CACNA1E: variants seen among roughly 807,000 people sequenced by gnomAD.
CACNA1E encodes the protein calcium voltage-gated channel subunit alpha1 E, also known as voltage-dependent R-type calcium channel subunit alpha-1E.
Under a neutral mutation model 259.2 loss-of-function variants are expected in CACNA1E, and 40 were observed. The observed-to-expected ratio is 0.15, with a 90% CI of 0.12 to 0.20. CACNA1E has a LOEUF of 0.20. Among genes scored for constraint, CACNA1E ranks in the 10% least tolerant of loss-of-function variants. CACNA1E has a pLI of 1.00. For synonymous variants in CACNA1E, 1,104 were observed against 1,138.5 expected, an observed-to-expected ratio of 0.97 and a Z score of 0.61; for missense variants, 1,874 against 3,040.1, an observed-to-expected ratio of 0.62 and a Z score of 9.02.
intron 37 of CACNA1E, among the ~76,000 whole-genome samples, chr1:181,774,514 T>C (rs1659797862): frequency 6.6e-6 from 1 of 152,232 alleles, no homozygotes; most frequent in Non-Finnish European, 1.5e-5. Context: ...AGTCTGTTTA[T>C]GGTGGCTCCA....
chr1:181,717,784 T>C (rs901715868), intron 11 of CACNA1E, among the ~76,000 whole-genome samples: 1 of 152,158 alleles, frequency 6.6e-6, no homozygotes. Flanking sequence ...AAGTCCTCTC[T>C]TTCCCCCTGA....
At position 181,672,961 on chromosome 1, in the gene CACNA1E, C is replaced by T. The variant is rs76372550; in HGVS notation, c.1055+21520C>T. On this transcript the variant is annotated intron_variant, in intron 7 of 47. Transcript: ENST00000367573. Reference sequence around the variant, plus strand: ...ACTAGCTCACGTATGGGGTTTTGGCCTGGGTTCCCTGAAAGACGACCCCAA... The same window carrying T: ...ACTAGCTCACGTATGGGGTTTTGGCTTGGGTTCCCTGAAAGACGACCCCAA... Among the ~76,000 whole-genome samples the T allele has an allele frequency of 2.9e-3, 447 of 152,180 alleles. 4 individuals carry two copies. Among genetic ancestry groups the T allele is most frequent in the African/African-American group, 0.01 (426 of 41,510 alleles).
At chr1:181,465,468 G>A (rs79271949) in intron 2 of CACNA1E, among the ~76,000 whole-genome samples, 1 of 151,970 alleles carries the variant, frequency 6.6e-6, no homozygotes, top group African/African-American at 2.4e-5. Flanking sequence ...GATATATTTT[G>A]GGTCTCTTCA....
chr1:181,487,368 AG>A (rs1558045050), intron 1 of CACNA1E, among the ~76,000 whole-genome samples: 1 of 152,174 alleles, frequency 6.6e-6, no homozygotes. Context: ...AGTTATTAAT[AG>A]GGGAGGTCTA....
At chr1:181,338,574 T>C (rs1571601741) in intron 1 of CACNA1E, among the ~76,000 whole-genome samples, 2 of 151,778 alleles carry the variant, frequency 1.3e-5, no homozygotes, top group East Asian at 1.9e-4. Context: ...TTGTCAGATA[T>C]GTAGTTTGCA....
intron 2 of CACNA1E, among the ~76,000 whole-genome samples, chr1:181,427,405 T>A (rs1219468395): frequency 8.4e-6 from 1 of 118,472 alleles, no homozygotes; most frequent in East Asian, 3.0e-4. Flanking sequence ...TCCTTCTCCA[T>A]CTCAACCCCC....
chr1:181,650,447 C>T (rs1658654994), intron 6 of CACNA1E, among the ~76,000 whole-genome samples: 1 of 152,066 alleles, frequency 6.6e-6, no homozygotes, highest in African/African-American at 2.4e-5. Context: ...ATGTGAAATG[C>T]AATTCAGAAA....
chr1:181,763,935 A>G (rs766570438), intron 34 of CACNA1E, among the ~76,000 whole-genome samples: 25 of 152,166 alleles, frequency 1.6e-4, no homozygotes, highest in Non-Finnish European at 3.2e-4. Context: ...GTTTGTTTTT[A>G]TTTCACATGA....
chr1:181,374,682 G>C (rs1426556981), intron 1 of CACNA1E, among the ~76,000 whole-genome samples: 1 of 152,064 alleles, frequency 6.6e-6, no homozygotes, highest in Non-Finnish European at 1.5e-5. Context: ...GCCCAGGCTG[G>C]TCTTGAACGC....
At chr1:181,505,790 A>G (rs1251802251) in intron 1 of CACNA1E, among the ~76,000 whole-genome samples, 1 of 152,144 alleles carries the variant, frequency 6.6e-6, no homozygotes, top group East Asian at 1.9e-4. Flanking sequence ...ATGGGTATAC[A>G]GTGTGGAGAG....
At chr1:181,615,570 G>A (rs1228979676) in intron 6 of CACNA1E, among the ~76,000 whole-genome samples, 1 of 152,186 alleles carries the variant, frequency 6.6e-6, no homozygotes, top group African/African-American at 2.4e-5. Flanking sequence ...TTTGTTGCCA[G>A]TATATAAATA....
intron 3 of CACNA1E, among the ~76,000 whole-genome samples, chr1:181,525,165 T>A (rs1667265373): frequency 6.6e-6 from 1 of 152,210 alleles, no homozygotes; most frequent in Admixed American, 6.5e-5. Context: ...TGGGAATAAA[T>A]GTGCTCTACT....
At chr1:181,599,131 G>A (rs1653489732) in intron 6 of CACNA1E, among the ~76,000 whole-genome samples, 1 of 150,780 alleles carries the variant, frequency 6.6e-6, no homozygotes, top group African/African-American at 2.4e-5. Context: ...CCCTCCGATA[G>A]GCCCCAGTGT....
intron 3 of CACNA1E, among the ~76,000 whole-genome samples, chr1:181,565,258 G>T (rs959093654): frequency 1.3e-5 from 2 of 152,204 alleles, no homozygotes; most frequent in African/African-American, 4.8e-5. Flanking sequence ...TTTGAGCAAG[G>T]AGGTACTTTT....
chr1:181,368,473 G>C (rs1654445908), intron 1 of CACNA1E, among the ~76,000 whole-genome samples: 1 of 152,194 alleles, frequency 6.6e-6, no homozygotes, highest in African/African-American at 2.4e-5. Flanking sequence ...CAATTAGCTT[G>C]AAATAAGAAT....
intron 2 of CACNA1E, among the ~76,000 whole-genome samples, chr1:181,449,139 T>C (rs1330472026): frequency 3.3e-5 from 5 of 152,222 alleles, no homozygotes; most frequent in Admixed American, 6.5e-5. Flanking sequence ...AGTGTGTTAA[T>C]TGATTTATTT....
intron 2 of CACNA1E, among the ~76,000 whole-genome samples, chr1:181,470,054 TGAGA>T (rs956068748): frequency 6.3e-5 from 9 of 143,366 alleles, no homozygotes; most frequent in South Asian, 2.3e-4. Flanking sequence ...AGAGAGAGAG[TGAGA>T]GAGAGAGAGT....
At chr1:181,650,108 AG>A in intron 6 of CACNA1E, among the ~76,000 whole-genome samples, 1 of 152,364 alleles carries the variant, frequency 6.6e-6, no homozygotes, top group Admixed American at 6.5e-5. Context: ...AATGGGAGAC[AG>A]AAATGAGATA....
chr1:181,730,651 A>T (rs551158765), intron 18 of CACNA1E, among the ~76,000 whole-genome samples: 1 of 152,216 alleles, frequency 6.6e-6, no homozygotes, highest in African/African-American at 2.4e-5. Context: ...ACCATGGACC[A>T]CTTCGTAGCC....
Sources: gnomAD v4.1 joint callset for allele counts (sites outside exome capture counted in the v4.1 genomes callset) on GRCh38, gnomAD v4.1.1 for gene constraint, MANE v1.5 for transcripts, NCBI Gene and HGNC (gene_info 2026-07-23, HGNC 2026-07-21) for gene names.